Variants in NTN1 observed in about 807,000 individuals in gnomAD.
NTN1 encodes the protein netrin-1.
A neutral mutation model predicts 54.2 loss-of-function variants in NTN1; 11 were observed. That is an observed-to-expected ratio of 0.20 (90% CI 0.13 to 0.34). The LOEUF is 0.34. NTN1 is among the 10% of genes least tolerant of loss of function. The probability of loss-of-function intolerance (pLI) is 1.00; values close to 1 mark genes in which losing one functional copy is unlikely to be tolerated. For synonymous variants in NTN1, 371 were observed against 382.0 expected, an observed-to-expected ratio of 0.97 and a Z score of 0.33; for missense variants, 740 against 893.1, an observed-to-expected ratio of 0.83 and a Z score of 2.18.
chr17:9,021,911 G>T (rs1283959929), intron 1 of NTN1, among the ~76,000 whole-genome samples: 1 of 152,152 alleles, frequency 6.6e-6, no homozygotes, highest in Non-Finnish European at 1.5e-5. Context: ...GGACGCGATC[G>T]GGGGGCATCT....
At chr17:9,073,051 TG>T (rs1395477266) in intron 2 of NTN1, among the ~76,000 whole-genome samples, 1 of 151,650 alleles carries the variant, frequency 6.6e-6, no homozygotes, top group African/African-American at 2.4e-5. Context: ...GAGAAAGGGG[TG>T]GGGGGACCGT....
Position 9,084,873 on chromosome 17 carries a change from G to A in NTN1, c.1018+61482G>A, listed in dbSNP as rs546282594. Reference sequence around the variant, plus strand: ...TCACTGTGTTAGCCAGGATGGTCTCGATCTCCTGACCTCGTGATCTGCCTG... The same window carrying A: ...TCACTGTGTTAGCCAGGATGGTCTCAATCTCCTGACCTCGTGATCTGCCTG... On this transcript the variant is annotated intron_variant, in intron 2 of 6. Transcript: ENST00000173229. Among the ~76,000 whole-genome samples, 387 of 151,928 alleles carry A rather than the reference G, an allele frequency of 2.5e-3. 4 individuals carry two copies. Among genetic ancestry groups the A allele is most frequent in the African/African-American group, 7.5e-3 (310 of 41,444 alleles).
intron 2 of NTN1, among the ~76,000 whole-genome samples, chr17:9,090,913 C>A (rs1167331984): frequency 1.3e-5 from 2 of 152,100 alleles, no homozygotes; most frequent in East Asian, 1.9e-4. Context: ...CTTTCCATGT[C>A]CTCCCCTCCA....
chr17:9,021,956 G>A (rs999703989), intron 1 of NTN1, among the ~76,000 whole-genome samples: 1 of 152,216 alleles, frequency 6.6e-6, no homozygotes, highest in South Asian at 2.1e-4. Context: ...GAAGGGGCGC[G>A]GGCCGTGCAG....
At chr17:9,194,480 C>T (rs1289160541) in intron 5 of NTN1, among the ~76,000 whole-genome samples, 6 of 152,180 alleles carry the variant, frequency 3.9e-5, no homozygotes, top group Admixed American at 3.3e-4. Context: ...GAAAGACATT[C>T]AGCAGTTATT....
At chr17:9,115,128 C>T (rs1475997384) in intron 2 of NTN1, among the ~76,000 whole-genome samples, 1 of 152,206 alleles carries the variant, frequency 6.6e-6, no homozygotes, top group African/African-American at 2.4e-5. Context: ...TGACAGCTCC[C>T]CTCTCCTTCT....
chr17:9,041,938 G>A (rs2091922948), intron 2 of NTN1, among the ~76,000 whole-genome samples: 1 of 151,890 alleles, frequency 6.6e-6, no homozygotes, highest in Non-Finnish European at 1.5e-5. Context: ...GAATCCGGGA[G>A]GTGGAGGTTG....
Position 9,190,807 on chromosome 17 carries a change from G to A in NTN1, c.1411+7838G>A, listed in dbSNP as rs183912905. 7.3e-4 allele frequency among the ~76,000 whole-genome samples: 111 copies of A among 152,118 alleles called. 1 individual carries two copies. The highest frequency in any genetic ancestry group is 2.5e-3 in the African/African-American group (103 of 41,478). ...GCGGAGGTTGCAGTGAGCCGAGATC[G>A]TGCCACTGCACTCCAGCCTGGGCAA... On this transcript the variant is annotated intron_variant, in intron 5 of 6. Transcript: ENST00000173229.
intron 2 of NTN1, among the ~76,000 whole-genome samples, chr17:9,085,894 G>A (rs181354962): frequency 5.1e-4 from 78 of 152,272 alleles, no homozygotes; most frequent in African/African-American, 1.7e-3. Context: ...ACAGAGGGGC[G>A]CACGTGGGGA....
At chr17:9,157,499 T>C (rs2092346241) in intron 2 of NTN1, among the ~76,000 whole-genome samples, 2 of 152,198 alleles carry the variant, frequency 1.3e-5, no homozygotes, top group African/African-American at 4.8e-5. Context: ...AGAGGACTTT[T>C]TGATGGGGGA....
chr17:9,114,156 A>ATATAT (rs1343963464), intron 2 of NTN1, among the ~76,000 whole-genome samples: 190 of 87,184 alleles, frequency 2.2e-3, no homozygotes, highest in African/African-American at 8.0e-3. Context: ...AAAAAAAGAA[A>ATATAT]AAAAAAAAAA....
intron 2 of NTN1, among the ~76,000 whole-genome samples, chr17:9,129,797 T>G (rs948579027): frequency 4.6e-5 from 7 of 152,172 alleles, no homozygotes; most frequent in Non-Finnish European, 4.4e-5. Context: ...TGTGCAGCCA[T>G]TGACTCCTGA....
At chr17:9,110,740 G>A (rs2092187518) in intron 2 of NTN1, among the ~76,000 whole-genome samples, 1 of 152,160 alleles carries the variant, frequency 6.6e-6, no homozygotes, top group Non-Finnish European at 1.5e-5. Flanking sequence ...GAGGCCCTGA[G>A]GGAGAATCTG....
At chr17:9,147,634 C>T (rs1047687658) in intron 2 of NTN1, among the ~76,000 whole-genome samples, 4 of 152,250 alleles carry the variant, frequency 2.6e-5, no homozygotes, top group East Asian at 3.9e-4. Context: ...AGTCTAGTTC[C>T]ACCTCCTCCC....
At chr17:9,203,526 C>T (rs11870167) in intron 5 of NTN1, among the ~76,000 whole-genome samples, 203 of 152,050 alleles carry the variant, frequency 1.3e-3, no homozygotes, top group African/African-American at 4.4e-3. Context: ...TGGTTGGGCG[C>T]GGTGGCTAAC....
intron 5 of NTN1, among the ~76,000 whole-genome samples, chr17:9,193,535 C>T (rs1336626200): frequency 6.6e-6 from 1 of 152,200 alleles, no homozygotes; most frequent in Admixed American, 6.5e-5. Flanking sequence ...CAATGCATTT[C>T]TTAATATCAT....
At chr17:9,110,458 C>G (rs566710235) in intron 2 of NTN1, among the ~76,000 whole-genome samples, 19 of 152,140 alleles carry the variant, frequency 1.2e-4, no homozygotes, top group Admixed American at 2.6e-4. Flanking sequence ...TTAGTAGAAA[C>G]AGGGTTTCAC....
At chr17:9,026,251 C>G (rs1323457178) in intron 2 of NTN1, among the ~76,000 whole-genome samples, 1 of 152,134 alleles carries the variant, frequency 6.6e-6, no homozygotes, top group African/African-American at 2.4e-5. Flanking sequence ...TTATAGATGA[C>G]TAAGAAATGC....
chr17:9,095,475 C>T (rs1202067740), intron 2 of NTN1, among the ~76,000 whole-genome samples: 1 of 152,232 alleles, frequency 6.6e-6, no homozygotes, highest in South Asian at 2.1e-4. Flanking sequence ...TTCACTTTGT[C>T]CATGTGGACC....
Sources: allele counts gnomAD v4.1 joint callset (sites outside exome capture counted in the v4.1 genomes callset), GRCh38; gene constraint gnomAD v4.1.1; transcripts MANE v1.5; gene names NCBI Gene and HGNC (gene_info 2026-07-23, HGNC 2026-07-21).